SPRED1: variants seen among roughly 807,000 people sequenced by gnomAD.
The protein encoded by SPRED1 is sprouty-related, EVH1 domain-containing protein 1.
Under a neutral mutation model 52.3 loss-of-function variants are expected in SPRED1, and 18 were observed. That is an observed-to-expected ratio of 0.34 (90% CI 0.24 to 0.51). The LOEUF (loss-of-function observed/expected upper bound fraction) is 0.51, where lower values mean the gene tolerates loss of function less well. SPRED1 is among the 20% of genes least tolerant of loss of function. SPRED1 has a pLI of 0.97. For missense variants in SPRED1, 485 were observed against 551.0 expected, an observed-to-expected ratio of 0.88 and a Z score of 1.20; for synonymous variants, 155 against 179.7, an observed-to-expected ratio of 0.86 and a Z score of 1.10.
chr15:38,342,510 C>T (rs1429927135), intron 5 of SPRED1, among the ~76,000 whole-genome samples: 2 of 151,998 alleles, frequency 1.3e-5, no homozygotes, highest in Non-Finnish European at 2.9e-5. Flanking sequence ...ATGTATTATA[C>T]TTCCATCTAG....
intron 2 of SPRED1, among the ~76,000 whole-genome samples, chr15:38,301,257 A>G (rs1188325117): frequency 6.6e-6 from 1 of 152,104 alleles, no homozygotes; most frequent in Non-Finnish European, 1.5e-5. Context: ...GTAAAAATAA[A>G]CCTGAGATTC....
At chr15:38,306,487 T>C (rs1476717943) in intron 2 of SPRED1, among the ~76,000 whole-genome samples, 3 of 152,170 alleles carry the variant, frequency 2.0e-5, no homozygotes, top group East Asian at 1.9e-4. Context: ...TAAATGATAA[T>C]AATAACCAGT....
At chr15:38,255,897 A>G (rs559221052) in intron 1 of SPRED1, among the ~76,000 whole-genome samples, 2 of 152,330 alleles carry the variant, frequency 1.3e-5, no homozygotes, top group South Asian at 4.1e-4. Flanking sequence ...CCTTCAAGAA[A>G]AGTGAAAATC....
At chr15:38,304,186 A>G (rs553810963) in intron 2 of SPRED1, among the ~76,000 whole-genome samples, 1 of 152,304 alleles carries the variant, frequency 6.6e-6, no homozygotes, top group Admixed American at 6.5e-5. Flanking sequence ...CCTTTCTATC[A>G]TGGGGGAATC....
intron 1 of SPRED1, among the ~76,000 whole-genome samples, chr15:38,274,039 G>A (rs1323317283): frequency 6.6e-6 from 1 of 152,138 alleles, no homozygotes; most frequent in African/African-American, 2.4e-5. Flanking sequence ...TCAAAGATAT[G>A]TGGCCATTAT....
chr15:38,350,960 C>G, intron 6 of SPRED1, 54 bp from the exon 7 acceptor site: 1 of 1,540,240 alleles, frequency 6.5e-7, no homozygotes. Context: ...CAAGGTGACA[C>G]GTAAAATTAA....
At chr15:38,350,501 C>T (rs1193393906) in intron 6 of SPRED1, among the ~76,000 whole-genome samples, 1 of 152,190 alleles carries the variant, frequency 6.6e-6, no homozygotes, top group Non-Finnish European at 1.5e-5. Context: ...CAGACCATAA[C>T]ATTTTGTCCT....
intron 2 of SPRED1, among the ~76,000 whole-genome samples, chr15:38,316,546 A>G (rs952483482): frequency 2.6e-5 from 4 of 152,000 alleles, no homozygotes; most frequent in African/African-American, 7.2e-5. Context: ...AATACACCAC[A>G]TAACTGTATT....
chr15:38,264,163 A>T (rs1023519603), intron 1 of SPRED1, among the ~76,000 whole-genome samples: 1 of 152,210 alleles, frequency 6.6e-6, no homozygotes, highest in African/African-American at 2.4e-5. Context: ...ATCCTTCTAA[A>T]GATCATGTGA....
intron 1 of SPRED1, among the ~76,000 whole-genome samples, chr15:38,287,642 T>G (rs1217512913): frequency 6.6e-6 from 1 of 152,168 alleles, no homozygotes; most frequent in Non-Finnish European, 1.5e-5. Context: ...TTGAAAATAT[T>G]TGAAAAAAAT....
At chr15:38,294,077 A>T (rs1484187871) in intron 1 of SPRED1, among the ~76,000 whole-genome samples, 1 of 152,172 alleles carries the variant, frequency 6.6e-6, no homozygotes. Flanking sequence ...TATCTTCTGA[A>T]TGTCTGCATT....
intron 1 of SPRED1, among the ~76,000 whole-genome samples, chr15:38,265,352 G>A (rs1275188476): frequency 6.6e-6 from 1 of 152,078 alleles, no homozygotes; most frequent in Non-Finnish European, 1.5e-5. Context: ...CAGAAGGAAG[G>A]TACTATGTTT....
chr15:38,310,865 A>G (rs12916837), intron 2 of SPRED1, among the ~76,000 whole-genome samples: 125,361 of 152,144 alleles, frequency 0.82, 52,442 homozygotes, highest in Non-Finnish European at 0.9. Flanking sequence ...ATTCCCTGGA[A>G]TTTTTTAATG....
chr15:38,347,036 T>TAAA (rs1896152444), intron 5 of SPRED1, among the ~76,000 whole-genome samples: 1 of 152,178 alleles, frequency 6.6e-6, no homozygotes, highest in East Asian at 1.9e-4. Context: ...GGTGATTATT[T>TAAA]TTCACTCTTT....
intron 1 of SPRED1, among the ~76,000 whole-genome samples, chr15:38,286,226 C>A (rs199731061): frequency 4.9e-3 from 434 of 89,436 alleles, no homozygotes; most frequent in South Asian, 6.4e-3. Flanking sequence ...ACTCCAGCCT[C>A]AAAAAAAAAA....
intron 5 of SPRED1, among the ~76,000 whole-genome samples, chr15:38,342,297 T>A (rs1896047825): frequency 6.6e-6 from 1 of 152,064 alleles, no homozygotes; most frequent in South Asian, 2.1e-4. Flanking sequence ...CCTTAAAATC[T>A]ATCCTGTATT....
At chr15:38,275,946 G>A (rs1231799445) in intron 1 of SPRED1, among the ~76,000 whole-genome samples, 1 of 152,160 alleles carries the variant, frequency 6.6e-6, no homozygotes. Flanking sequence ...TTACTCTCCT[G>A]TGGTACTGTA....
chr15:38,289,763 A>G (rs1894883396), intron 1 of SPRED1, among the ~76,000 whole-genome samples: 1 of 152,196 alleles, frequency 6.6e-6, no homozygotes, highest in Non-Finnish European at 1.5e-5. Context: ...GGAAAAGGCA[A>G]GGGAAAACTG....
At chr15:38,313,383 A>G (rs758749987) in intron 2 of SPRED1, among the ~76,000 whole-genome samples, 18 of 151,952 alleles carry the variant, frequency 1.2e-4, no homozygotes, top group Non-Finnish European at 2.2e-4. Context: ...ATTTTATAGA[A>G]TGTTTCTCAA....
Sources: gnomAD v4.1 joint callset for allele counts (sites outside exome capture counted in the v4.1 genomes callset) on GRCh38, gnomAD v4.1.1 for gene constraint, MANE v1.5 for transcripts, NCBI Gene and HGNC (gene_info 2026-07-23, HGNC 2026-07-21) for gene names.